The following NOVA1 variants were observed in gnomAD, a reference collection of about 807,000 sequenced individuals.
NOVA1 encodes the protein NOVA alternative splicing regulator 1, also known as RNA-binding protein Nova-1.
Under a neutral mutation model 38.0 loss-of-function variants are expected in NOVA1, and 7 were observed. The observed-to-expected ratio is 0.18, with a 90% CI of 0.10 to 0.35. The LOEUF is 0.35. Among genes scored for constraint, NOVA1 ranks in the 10% least tolerant of loss-of-function variants. NOVA1 has a pLI of 1.00. For missense variants in NOVA1, 460 were observed against 616.0 expected (o/e 0.75, Z 2.68); for synonymous variants, 270 against 232.5 (o/e 1.16, Z -1.47).
chr14:26,516,293 A>C (rs1888456338), intron 2 of NOVA1, among the ~76,000 whole-genome samples: 1 of 152,156 alleles, frequency 6.6e-6, no homozygotes, highest in Non-Finnish European at 1.5e-5. Flanking sequence ...TTGCAAGTAT[A>C]TGCTCTCACT....
intron 2 of NOVA1, among the ~76,000 whole-genome samples, chr14:26,578,705 T>C (rs1279785386): frequency 6.6e-6 from 1 of 152,154 alleles, no homozygotes; most frequent in South Asian, 2.1e-4. Context: ...TCATATATTG[T>C]GTAGCTTTAA....
At chr14:26,560,920 T>A (rs1389906393) in intron 2 of NOVA1, among the ~76,000 whole-genome samples, 1 of 152,182 alleles carries the variant, frequency 6.6e-6, no homozygotes, top group African/African-American at 2.4e-5. Context: ...TATACTAACA[T>A]GTCCAGTGTC....
In NOVA1 at chr14:26,527,868, C is replaced by A. The variant is rs116455166; in HGVS notation, c.281-47725G>T. Among the ~76,000 whole-genome samples, 504 of 152,322 alleles carry A rather than the reference C, an allele frequency of 3.3e-3. 3 individuals carry two copies. Among genetic ancestry groups the A allele is most frequent in the African/African-American group, 0.012 (487 of 41,564 alleles). On this transcript the variant is annotated intron_variant, in intron 2 of 4. Coordinates refer to ENST00000539517, the MANE Select transcript of NOVA1 (RefSeq NM_002515.3). Reference sequence around the variant, plus strand: ...AGTGAGCAGATATTTGAGACATTCACTGGACCTTTTATGTCCCATATCATC... The same window carrying A: ...AGTGAGCAGATATTTGAGACATTCAATGGACCTTTTATGTCCCATATCATC...
chr14:26,596,596 ATTG>A, intron 1 of NOVA1: 1 of 1,289,134 alleles, frequency 7.8e-7, no homozygotes, highest in Non-Finnish European at 1.0e-6. Flanking sequence ...CATTGGGTGC[ATTG>A]TTAAGATGAT....
intron 2 of NOVA1, among the ~76,000 whole-genome samples, chr14:26,495,782 T>G (rs1396920406): frequency 6.8e-6 from 1 of 147,374 alleles, no homozygotes; most frequent in Non-Finnish European, 1.5e-5. Context: ...TTACTGAGAA[T>G]GATGATTTCC....
chr14:26,472,260 T>C (rs1379970595), intron 4 of NOVA1, 60 bp downstream of exon 4: 8 of 988,110 alleles, frequency 8.1e-6, no homozygotes, highest in Non-Finnish European at 1.1e-5. Context: ...TATCTTTTTC[T>C]CCAGTTTGCA....
intron 2 of NOVA1, among the ~76,000 whole-genome samples, chr14:26,509,399 A>G (rs1016612786): frequency 6.6e-6 from 1 of 152,158 alleles, no homozygotes; most frequent in Non-Finnish European, 1.5e-5. Flanking sequence ...GAAAAGATTG[A>G]AATACATTTT....
intron 2 of NOVA1, among the ~76,000 whole-genome samples, chr14:26,504,297 A>C (rs991858272): frequency 6.6e-6 from 1 of 152,194 alleles, no homozygotes; most frequent in Admixed American, 6.5e-5. Context: ...TGTATACTTA[A>C]CGTGTCTATT....
chr14:26,563,286 A>T (rs1044858809), intron 2 of NOVA1, among the ~76,000 whole-genome samples: 1 of 151,922 alleles, frequency 6.6e-6, no homozygotes, highest in Non-Finnish European at 1.5e-5. Flanking sequence ...AGACATTAGA[A>T]CTGATGGTTA....
chr14:26,485,322 C>T lies in NOVA1; in HGVS notation c.281-5179G>A, dbSNP rs143018672. Among the ~76,000 whole-genome samples the T allele has an allele frequency of 1.8e-3, 280 of 151,930 alleles. 1 individual carries two copies. Among genetic ancestry groups the T allele is most frequent in the African/African-American group, 6.4e-3 (267 of 41,434 alleles). On this transcript the variant is annotated intron_variant, in intron 2 of 4. Transcript: ENST00000539517. ...ATATCTATAAAGCCAGTAAATCTCT[C>T]GGTTTATAAGATCATTCAACGAACA... is the stretch of plus-strand genomic sequence containing the variant.
In NOVA1 at chr14:26,597,754, G is replaced by T; in HGVS notation, c.-318C>A. Reference sequence around the variant, plus strand: ...AGGGGGAGAGAGTGGAGAAGGGAGAGGGGCGAGTGAATGAGCGGGAGGAGG... The same window carrying T: ...AGGGGGAGAGAGTGGAGAAGGGAGATGGGCGAGTGAATGAGCGGGAGGAGG... On this transcript the variant is annotated 5_prime_UTR_variant, in exon 1 of 5. Coordinates refer to ENST00000539517, the MANE Select transcript of NOVA1 (RefSeq NM_002515.3). The T allele has an allele frequency of 2.0e-6, 2 of 982,568 alleles. No homozygotes were observed. Among genetic ancestry groups the T allele is most frequent in the Non-Finnish European group, 2.5e-6 (2 of 813,566 alleles). 60.9% of individuals were successfully genotyped at this position (982,568 alleles called of 1,614,324 possible).
chr14:26,578,118 G>T (rs764502575), intron 2 of NOVA1, among the ~76,000 whole-genome samples: 4 of 152,064 alleles, frequency 2.6e-5, no homozygotes, highest in Admixed American at 1.3e-4. Context: ...GCTGCTGATG[G>T]TTATATAAAA....
intron 2 of NOVA1, chr14:26,519,536 A>T (rs1886882230): frequency 6.6e-6 from 1 of 152,196 alleles, no homozygotes. Flanking sequence ...TTGTTTTCGT[A>T]GAATTAGACT....
chr14:26,487,590 A>C (rs1257174387), intron 2 of NOVA1, among the ~76,000 whole-genome samples: 19 of 152,162 alleles, frequency 1.2e-4, no homozygotes, highest in Admixed American at 1.2e-3. Context: ...GAACAGTAAA[A>C]GTCTTGTCAA....
intron 2 of NOVA1, among the ~76,000 whole-genome samples, chr14:26,573,459 A>G (rs1892617055): frequency 6.6e-6 from 1 of 152,126 alleles, no homozygotes; most frequent in African/African-American, 2.4e-5. Context: ...AATTTTGTAT[A>G]AAATAAGAAC....
chr14:26,510,966 A>G (rs1261851200), intron 2 of NOVA1, among the ~76,000 whole-genome samples: 1 of 152,228 alleles, frequency 6.6e-6, no homozygotes. Context: ...AATTCAATAA[A>G]CAGATTATTT....
In NOVA1 at chr14:26,572,758, G is replaced by GTGTGTGTGTGTGTGTGTGTGTA. The variant is rs1566548665; in HGVS notation, c.280+22651_280+22652insTACACACACACACACACACACA. ...TGTGTGTGTGTGTGTGTGTGTGTGTGTGTGTGTATGTGTGTCTGTACGTTT... is the reference window on the plus strand; with the variant it reads ...TGTGTGTGTGTGTGTGTGTGTGTGTGTGTGTGTGTGTGTGTGTGTGTATGTGTGTATGTGTGTCTGTACGTTT... On this transcript the variant is annotated intron_variant, in intron 2 of 4. Coordinates refer to ENST00000539517, the MANE Select transcript of NOVA1 (RefSeq NM_002515.3). Among the ~76,000 whole-genome samples the GTGTGTGTGTGTGTGTGTGTGTA allele has an allele frequency of 1.0e-4, 15 of 148,704 alleles. No individual in the cohort carries two copies. The South Asian group carries it at 3.2e-3, about 32-fold the overall frequency.
In NOVA1 at chr14:26,444,550, T is replaced by C. The variant is rs1881925958; in HGVS notation, c.*3409A>G. On this transcript the variant is annotated 3_prime_UTR_variant, in exon 5 of 5. Transcript: ENST00000539517. ...AGTCGAATAAGCAGAAAAAAGAGCTTAGATCTATTGTAAGCAATGAGTCGA... is the reference window on the plus strand; with the variant it reads ...AGTCGAATAAGCAGAAAAAAGAGCTCAGATCTATTGTAAGCAATGAGTCGA... The C allele has an allele frequency of 1.3e-5, 2 of 152,128 alleles. No individual in the cohort carries two copies. The highest frequency in any genetic ancestry group is 4.8e-5 in the African/African-American group (2 of 41,424). 9.4% of individuals were successfully genotyped at this position (152,128 alleles called of 1,614,324 possible).
intron 4 of NOVA1, among the ~76,000 whole-genome samples, chr14:26,462,557 G>C (rs569400398): frequency 5.5e-4 from 83 of 152,260 alleles, no homozygotes; most frequent in Non-Finnish European, 1.1e-3. Flanking sequence ...TATAAAGCTA[G>C]AGTTGAGTAT....
Sources: allele counts gnomAD v4.1 joint callset (sites outside exome capture counted in the v4.1 genomes callset), GRCh38; gene constraint gnomAD v4.1.1; transcripts MANE v1.5; gene names NCBI Gene and HGNC (gene_info 2026-07-23, HGNC 2026-07-21).